LYPD6: variants seen among roughly 807,000 people sequenced by gnomAD.
The protein encoded by LYPD6 is LY6/PLAUR domain containing 6.
A neutral mutation model predicts 22.7 loss-of-function variants in LYPD6; 15 were observed. That is an observed-to-expected ratio of 0.66 (90% confidence interval 0.44 to 1.02). LYPD6 has a LOEUF of 1.02. LYPD6 is among the 50% of genes least tolerant of loss of function. LYPD6 has a pLI of 0.00. For missense variants in LYPD6, 189 were observed against 208.4 expected, an observed-to-expected ratio of 0.91 and a Z score of 0.57; for synonymous variants, 72 against 77.5, an observed-to-expected ratio of 0.93 and a Z score of 0.37.
chr2:149,336,003 T>TA (rs1681027759), intron 1 of LYPD6, among the ~76,000 whole-genome samples: 1 of 152,232 alleles, frequency 6.6e-6, no homozygotes, highest in Admixed American at 6.5e-5. Context: ...TGTTCAGTGA[T>TA]ACATGACTAT....
At chr2:149,344,697 C>T (rs998237430) in intron 1 of LYPD6, among the ~76,000 whole-genome samples, 7 of 152,138 alleles carry the variant, frequency 4.6e-5, no homozygotes, top group African/African-American at 1.7e-4. Context: ...CCAGATTCAC[C>T]CTTGACTTGA....
chr2:149,482,423 T>A, the LYPD6 span, among the ~76,000 whole-genome samples: 1 of 152,172 alleles, frequency 6.6e-6, no homozygotes, highest in Non-Finnish European at 1.5e-5. Context: ...AGACAAGCAT[T>A]TGACGAAGAA....
At chr2:149,463,072 G>A (rs957301039) in intron 3 of LYPD6, among the ~76,000 whole-genome samples, 8 of 151,826 alleles carry the variant, frequency 5.3e-5, no homozygotes, top group Middle Eastern at 3.2e-3. Context: ...TTTTTTACCC[G>A]GCACAAGACC....
intron 1 of LYPD6, among the ~76,000 whole-genome samples, chr2:149,421,806 A>G (rs1447317707): frequency 6.6e-6 from 1 of 152,186 alleles, no homozygotes; most frequent in Non-Finnish European, 1.5e-5. Flanking sequence ...AGTTAACGGA[A>G]TGGGTGAGGT....
intron 3 of LYPD6, among the ~76,000 whole-genome samples, chr2:149,456,743 C>T (rs1680966758): frequency 6.6e-6 from 1 of 152,140 alleles, no homozygotes; most frequent in Non-Finnish European, 1.5e-5. Context: ...CAATTTCTAG[C>T]CTCCAGGACT....
At chr2:149,408,306 G>A (rs1041504871) in intron 1 of LYPD6, among the ~76,000 whole-genome samples, 8 of 152,086 alleles carry the variant, frequency 5.3e-5, no homozygotes, top group African/African-American at 1.9e-4. Flanking sequence ...TTCTTTATAG[G>A]TTACCTGATA....
At chr2:149,408,407 G>A (rs1477033549) in intron 1 of LYPD6, among the ~76,000 whole-genome samples, 2 of 152,130 alleles carry the variant, frequency 1.3e-5, no homozygotes, top group Non-Finnish European at 2.9e-5. Flanking sequence ...TTTTTGCATT[G>A]AATTTCCCAG....
chr2:149,483,127 C>T, the LYPD6 span, among the ~76,000 whole-genome samples: 76 of 152,104 alleles, frequency 5.0e-4, no homozygotes, highest in Non-Finnish European at 1.0e-3. Flanking sequence ...GTCTGTGGAC[C>T]CCAGGGGACC....
At chr2:149,478,406 A>G (rs544583912), downstream of LYPD6, among the ~76,000 whole-genome samples, 740 of 105,730 alleles carry the variant, frequency 7.0e-3, 9 homozygotes, top group African/African-American at 0.033. Flanking sequence ...GTGTGCGCGC[A>G]CGCATGTGTG....
intron 2 of LYPD6, among the ~76,000 whole-genome samples, chr2:149,445,454 C>T (rs1467644738): frequency 6.6e-6 from 1 of 152,190 alleles, no homozygotes; most frequent in African/African-American, 2.4e-5. Flanking sequence ...TCATCTTCTT[C>T]CAATATAAAG....
chr2:149,376,542 A>G (rs1271069854), intron 1 of LYPD6, among the ~76,000 whole-genome samples: 1 of 152,154 alleles, frequency 6.6e-6, no homozygotes, highest in Non-Finnish European at 1.5e-5. Context: ...AATACTACTA[A>G]TAATAACTAC....
At chr2:149,360,947 CA>C (rs534283550) in intron 1 of LYPD6, among the ~76,000 whole-genome samples, 4 of 152,284 alleles carry the variant, frequency 2.6e-5, no homozygotes, top group African/African-American at 9.6e-5. Flanking sequence ...TTTGAGCACA[CA>C]TCAGTGCTCA....
chr2:149,464,223 A>G (rs1681153146), intron 3 of LYPD6: 1 of 357,904 alleles, frequency 2.8e-6, no homozygotes, highest in African/African-American at 2.3e-5. Flanking sequence ...AAGGACTAAG[A>G]CAACATGGAG....
chr2:149,459,575 G>A (rs1023756125), intron 3 of LYPD6, among the ~76,000 whole-genome samples: 1 of 152,110 alleles, frequency 6.6e-6, no homozygotes, highest in Admixed American at 6.6e-5. Flanking sequence ...TGTCTGATGT[G>A]GTTCTAAATA....
Position 149,468,714 on chromosome 2 carries a change from G to A in LYPD6, c.287G>A (p.Cys96Tyr), listed in dbSNP as rs1479226909. The change falls in exon 4 of 5, where the codon TGT (cysteine) becomes TAT (tyrosine). Residue 96 changes from cysteine (C) to tyrosine (Y), a missense_variant. Physicochemically the swap from Cys to Tyr is radical, Grantham distance 194. Transcript: ENST00000334166. ...AACAGTATCTCAGTCACCAAACGCT[G>A]TGTCCCACTGGAAGAGTGCTTATCC... ...TGNSISVTKR[C>Y]VPLEECLSTG... 1 of 1,613,608 alleles carries A rather than the reference G, an allele frequency of 6.2e-7. No homozygotes were observed. Among genetic ancestry groups the A allele is most frequent in the Non-Finnish European group, 8.5e-7 (1 of 1,179,748 alleles).
At chr2:149,418,177 T>C (rs1683004670) in intron 1 of LYPD6, among the ~76,000 whole-genome samples, 1 of 152,206 alleles carries the variant, frequency 6.6e-6, no homozygotes, top group Non-Finnish European at 1.5e-5. Context: ...TCCTCTTTTT[T>C]CTCCTGTTGA....
chr2:149,444,500 A>T (rs1026125648), intron 2 of LYPD6, among the ~76,000 whole-genome samples: 3 of 152,190 alleles, frequency 2.0e-5, no homozygotes, highest in Non-Finnish European at 4.4e-5. Flanking sequence ...ACAGCATTCT[A>T]CTCACAGCAG....
At chr2:149,459,928 C>T (rs920622358) in intron 3 of LYPD6, among the ~76,000 whole-genome samples, 3 of 150,530 alleles carry the variant, frequency 2.0e-5, no homozygotes, top group African/African-American at 4.9e-5. Context: ...TTATTACAAA[C>T]AAGTGAAGGT....
At chr2:149,424,944 G>C (rs1276813342) in intron 1 of LYPD6, among the ~76,000 whole-genome samples, 1 of 152,138 alleles carries the variant, frequency 6.6e-6, no homozygotes, top group Non-Finnish European at 1.5e-5. Context: ...TTGCCAGTCT[G>C]GTTGGAGACT....
Sources: gnomAD v4.1 joint callset for allele counts (sites outside exome capture counted in the v4.1 genomes callset) on GRCh38, gnomAD v4.1.1 for gene constraint, MANE v1.5 for transcripts, NCBI Gene and HGNC (gene_info 2026-07-23, HGNC 2026-07-21) for gene names.